The following UPP2 variants were observed in gnomAD, a reference collection of about 807,000 sequenced individuals.
UPP2 encodes uridine phosphorylase 2.
Under a neutral mutation model 26.7 loss-of-function variants are expected in UPP2, and 23 were observed. The observed-to-expected ratio is 0.86, with a 90% CI of 0.62 to 1.22. UPP2 has a LOEUF of 1.22. Ranked by LOEUF, UPP2 falls within the 50% of genes most tolerant of loss-of-function variation. The pLI, the probability that UPP2 is intolerant of heterozygous loss-of-function variation, is 0.00. For missense variants in UPP2, 387 were observed against 396.7 expected (o/e 0.98, Z 0.21); for synonymous variants, 127 against 141.3 (o/e 0.90, Z 0.72).
chr2:158,044,768 C>T (rs963435794), intron 3 of UPP2, among the ~76,000 whole-genome samples: 2 of 152,132 alleles, frequency 1.3e-5, no homozygotes, highest in African/African-American at 4.8e-5. Context: ...AAAGGAGGCT[C>T]CAGAGAGACG....
chr2:158,080,122 A>G (rs1682697545), intron 3 of UPP2, among the ~76,000 whole-genome samples: 1 of 152,158 alleles, frequency 6.6e-6, no homozygotes, highest in African/African-American at 2.4e-5. Context: ...ATGCTTCTTT[A>G]ATTACATATT....
intron 3 of UPP2, among the ~76,000 whole-genome samples, chr2:158,081,618 TA>T (rs1483131052): frequency 1.3e-5 from 2 of 152,126 alleles, no homozygotes; most frequent in Non-Finnish European, 2.9e-5. Flanking sequence ...ATATACACCA[TA>T]AAATAATATT....
upstream of UPP2, among the ~76,000 whole-genome samples, chr2:158,098,909 T>C (rs1409958451): frequency 6.6e-6 from 1 of 152,204 alleles, no homozygotes; most frequent in African/African-American, 2.4e-5. Flanking sequence ...CTATAACACA[T>C]CTATACCATA....
intron 3 of UPP2, among the ~76,000 whole-genome samples, chr2:158,072,159 C>G (rs1220081503): frequency 6.6e-6 from 1 of 151,970 alleles, no homozygotes; most frequent in African/African-American, 2.4e-5. Context: ...AAGAGCCATT[C>G]GGCTTTACGT....
intron 5 of UPP2, 140 bp from the exon 6 acceptor site, chr2:158,123,609 C>T: frequency 1.0e-6 from 1 of 956,964 alleles, no homozygotes; most frequent in Middle Eastern, 3.4e-4. Context: ...AAGAGTCACA[C>T]AGCTCAGTTT....
At chr2:158,124,304 C>A (rs549348454) in intron 6 of UPP2, among the ~76,000 whole-genome samples, 49 of 152,252 alleles carry the variant, frequency 3.2e-4, no homozygotes, top group African/African-American at 9.4e-4. Flanking sequence ...ACTTGGATAT[C>A]TGGGGGAAGA....
intron 2 of UPP2, among the ~76,000 whole-genome samples, chr2:158,006,523 A>G (rs1683492836): frequency 6.6e-6 from 1 of 151,976 alleles, no homozygotes; most frequent in Non-Finnish European, 1.5e-5. Flanking sequence ...AATATGAAGC[A>G]GAACACTCAA....
At chr2:157,996,605 C>T (rs761693808) in intron 2 of UPP2, among the ~76,000 whole-genome samples, 2 of 152,120 alleles carry the variant, frequency 1.3e-5, no homozygotes, top group African/African-American at 2.4e-5. Flanking sequence ...TTTACTATGG[C>T]CTTCTAGAGC....
At chr2:158,126,775 G>C (rs540995549) in intron 6 of UPP2, 1 of 152,246 alleles carries the variant, frequency 6.6e-6, no homozygotes, top group East Asian at 1.9e-4. Flanking sequence ...GACATCTGAT[G>C]GTAAGCAATA....
At chr2:158,076,693 A>G (rs546539139) in intron 3 of UPP2, among the ~76,000 whole-genome samples, 3 of 152,236 alleles carry the variant, frequency 2.0e-5, no homozygotes, top group African/African-American at 7.2e-5. Flanking sequence ...GCCATATGTG[A>G]AAGACTCACA....
chr2:158,088,053 CT>C, intron 3 of UPP2, among the ~76,000 whole-genome samples: 1 of 152,168 alleles, frequency 6.6e-6, no homozygotes, highest in Non-Finnish European at 1.5e-5. Context: ...GGGAAGTGTT[CT>C]GTAATTATTC....
rs531390459 is a variant in UPP2 at position 158,053,302 on chromosome 2, G to T, written c.147+37416G>T. 5.9e-5 allele frequency among the ~76,000 whole-genome samples: 9 copies of T among 152,280 alleles called. No homozygotes were observed. The South Asian group carries it at 1.7e-3, about 28-fold the overall frequency. The stretch of plus-strand genomic sequence containing the variant: ...CATAATAATACCTAACATACACTGG[G>T]TGCTCTGTTATGTGCTGGCTGCTGT... On this transcript the variant is annotated intron_variant, in intron 3 of 9. Transcript: ENST00000605860.
At chr2:158,097,244 G>A (rs537509374), upstream of UPP2, among the ~76,000 whole-genome samples, 46 of 152,160 alleles carry the variant, frequency 3.0e-4, no homozygotes, top group African/African-American at 1.1e-3. Flanking sequence ...GACCCTTTCT[G>A]GAATGGCTGA....
intron 2 of UPP2, among the ~76,000 whole-genome samples, chr2:158,006,908 G>A (rs1033398329): frequency 6.6e-6 from 1 of 152,216 alleles, no homozygotes; most frequent in Non-Finnish European, 1.5e-5. Context: ...ATTCCAAGGG[G>A]CATATTTCAG....
intron 3 of UPP2, among the ~76,000 whole-genome samples, chr2:158,026,284 G>A (rs982608563): frequency 5.3e-5 from 8 of 152,100 alleles, no homozygotes; most frequent in African/African-American, 1.4e-4. Context: ...TGCTTAGGCT[G>A]CCTTCTTTCT....
At chr2:158,001,339 G>A (rs1290479083) in intron 2 of UPP2, among the ~76,000 whole-genome samples, 1 of 152,090 alleles carries the variant, frequency 6.6e-6, no homozygotes, top group African/African-American at 2.4e-5. Flanking sequence ...AGGCCTGATG[G>A]GACAAAGGAC....
intron 3 of UPP2, among the ~76,000 whole-genome samples, chr2:158,048,434 C>T (rs931131689): frequency 1.1e-4 from 16 of 152,174 alleles, no homozygotes; most frequent in African/African-American, 3.9e-4. Flanking sequence ...AGTGACACCC[C>T]ATCTCTACCA....
At chr2:158,004,550 G>A (rs1031159210) in intron 2 of UPP2, among the ~76,000 whole-genome samples, 1 of 152,116 alleles carries the variant, frequency 6.6e-6, no homozygotes, top group Non-Finnish European at 1.5e-5. Flanking sequence ...GGTCTGCTGC[G>A]ACCAGTCACT....
chr2:158,010,165 A>C (rs1683553558), intron 2 of UPP2, among the ~76,000 whole-genome samples: 1 of 152,252 alleles, frequency 6.6e-6, no homozygotes, highest in Non-Finnish European at 1.5e-5. Flanking sequence ...CGAAAGCGAC[A>C]GAAGAATGAG....
Sources: gnomAD v4.1 joint callset for allele counts (sites outside exome capture counted in the v4.1 genomes callset) on GRCh38, gnomAD v4.1.1 for gene constraint, MANE v1.5 for transcripts, NCBI Gene and HGNC (gene_info 2026-07-23, HGNC 2026-07-21) for gene names.